Variants in PTPN14 observed in about 807,000 individuals in gnomAD.
PTPN14 encodes protein tyrosine phosphatase non-receptor type 14, also known as tyrosine-protein phosphatase non-receptor type 14.
In PTPN14, 53 loss-of-function variants were observed where a neutral mutation model predicts 126.8. The ratio of observed to expected loss-of-function variants is 0.42; its 90% CI spans 0.34 to 0.53. The LOEUF (loss-of-function observed/expected upper bound fraction) is 0.53. Among genes scored for constraint, PTPN14 ranks in the 20% least tolerant of loss-of-function variants. PTPN14 has a pLI of 0.08. For synonymous variants in PTPN14, 630 were observed against 599.3 expected, an observed-to-expected ratio of 1.05 and a Z score of -0.75; for missense variants, 1,257 against 1,552.9, an observed-to-expected ratio of 0.81 and a Z score of 3.20.
At chr1:214,421,673 G>C (rs978353440) in intron 3 of PTPN14, among the ~76,000 whole-genome samples, 1 of 152,038 alleles carries the variant, frequency 6.6e-6, no homozygotes, top group South Asian at 2.1e-4. Flanking sequence ...GGCTCTTCAC[G>C]ATCCAGTCAA....
chr1:214,424,457 A>T (rs1038824306), intron 3 of PTPN14, among the ~76,000 whole-genome samples: 4 of 152,130 alleles, frequency 2.6e-5, no homozygotes, highest in Admixed American at 6.5e-5. Flanking sequence ...TAATTCGGAG[A>T]TCCTGCTGGA....
intron 1 of PTPN14, among the ~76,000 whole-genome samples, chr1:214,485,968 C>T (rs1313542219): frequency 6.6e-6 from 1 of 152,030 alleles, no homozygotes; most frequent in Non-Finnish European, 1.5e-5. Flanking sequence ...CCTCGTGATC[C>T]GCCCGCCTTG....
At chr1:214,398,677 C>T (rs1384788096) in intron 7 of PTPN14, among the ~76,000 whole-genome samples, 1 of 144,550 alleles carries the variant, frequency 6.9e-6, no homozygotes, top group African/African-American at 2.6e-5. Flanking sequence ...TAGTGATCCT[C>T]CATCCTCGGC....
rs1449499312 is a variant in PTPN14, at chr1:214,384,580, G to A, written c.1275C>T (p.Tyr425=). 3 of 1,614,188 alleles carry A rather than the reference G, an allele frequency of 1.9e-6. No individual in the cohort carries two copies. Among genetic ancestry groups the A allele is most frequent in the Admixed American group, 3.3e-5 (2 of 60,020 alleles). ...TCGCGCTGTGCCGGTGGCTCGGGATGTAGTCGGCCCGCATGATGTCACTCC... is the reference window on the plus strand; with the variant it reads ...TCGCGCTGTGCCGGTGGCTCGGGATATAGTCGGCCCGCATGATGTCACTCC... ...IPGSDIMRAD[Y]IPSHRHSAII... The change falls in exon 13 of 19, where the codon TAC becomes TAT. Residue 425 remains tyrosine (Y), a synonymous_variant. Coordinates refer to ENST00000366956, the MANE Select transcript of PTPN14 (RefSeq NM_005401.5). The surrounding 1 kb of genome is among the most constrained non-coding windows in gnomAD (Gnocchi z 5.3).
chr1:214,409,950 C>A (rs533224395), intron 5 of PTPN14, among the ~76,000 whole-genome samples: 1 of 152,146 alleles, frequency 6.6e-6, no homozygotes, highest in Non-Finnish European at 1.5e-5. Context: ...CTGTATATTT[C>A]TTTTGAGAAA....
At chr1:214,512,381 G>T (rs1292935083) in intron 1 of PTPN14, among the ~76,000 whole-genome samples, 1 of 152,130 alleles carries the variant, frequency 6.6e-6, no homozygotes, top group Non-Finnish European at 1.5e-5. Context: ...GGTTTGGCAT[G>T]CTCCTTCTTC....
At chr1:214,498,254 G>A (rs76900298) in intron 1 of PTPN14, among the ~76,000 whole-genome samples, 8,463 of 152,238 alleles carry the variant, frequency 0.056, 261 homozygotes, top group Middle Eastern at 0.13. Context: ...TTCTAACGCT[G>A]TGAGTCTCCT....
chr1:214,351,416 A>T lies in PTPN14; in HGVS notation c.*6506T>A, dbSNP rs1657707491. 6.6e-6 allele frequency: 1 copy of T among 152,172 alleles called. No individual in the cohort carries two copies. The highest frequency in any genetic ancestry group is 1.5e-5 in the Non-Finnish European group (1 of 68,090). The allele number at this position is 152,172 out of a possible 1,614,324, so 9.4% of individuals were successfully genotyped here. A position where few individuals can be genotyped will look rare whatever the true frequency, so the allele number is the denominator to read the frequency against. On this transcript the variant is annotated 3_prime_UTR_variant, in exon 19 of 19. Coordinates refer to ENST00000366956, the MANE Select transcript of PTPN14 (RefSeq NM_005401.5). ...ACCCGTTCCCCTGAACAAGACAAGG[A>T]ACACCAAAGTCACTGCATGTACATC...
In PTPN14 at chr1:214,383,885, G is replaced by A. The variant is rs547427299; in HGVS notation, c.1970C>T (p.Thr657Met). The change falls in exon 13 of 19, where the codon ACG becomes ATG. Residue 657 changes from threonine (T) to methionine (M), a missense_variant. Thr to Met is a moderately conservative substitution (Grantham distance 81). Around this residue, in one of 3 missense-constraint regions of PTPN14, gnomAD observed 1,021 missense variants for 1,183.3 expected, o/e 0.86. Coordinates refer to ENST00000366956, the MANE Select transcript of PTPN14 (RefSeq NM_005401.5). This position sits in a 1 kb window ranked among gnomAD's most constrained non-coding sequence, Gnocchi z 4.4. ...NSMVRGMEAM[T>M]LKSLHLPMAR... ...CATGGGGAGGTGGAGCGACTTGAGC[G>A]TCATGGCCTCCATGCCCCGCACCAT... 1.9e-5 allele frequency: 30 copies of A among 1,613,256 alleles called. No individual in the cohort carries two copies. The Admixed American group carries it at 3.5e-4, about 19-fold the overall frequency.
intron 3 of PTPN14, among the ~76,000 whole-genome samples, chr1:214,420,000 T>C (rs1293728266): frequency 6.6e-6 from 1 of 152,194 alleles, no homozygotes; most frequent in African/African-American, 2.4e-5. Context: ...ACTATTAAAG[T>C]CTAATAATGC....
At position 214,373,558 on chromosome 1, in the gene PTPN14, A is replaced by AACAC. The variant is rs10562157; in HGVS notation, c.2908-723_2908-720dup. On this transcript the variant is annotated intron_variant, in intron 15 of 18. Coordinates refer to ENST00000366956, the MANE Select transcript of PTPN14 (RefSeq NM_005401.5). ...TCTCTTTTCTAGTCGATTTCATTGA[A>AACAC]ACACACACACACACACACACACACA... Among the ~76,000 whole-genome samples, 357 of 138,678 alleles carry AACAC rather than the reference A, an allele frequency of 2.6e-3. 4 individuals carry two copies. Among genetic ancestry groups the AACAC allele is most frequent in the Middle Eastern group, 0.025 (7 of 284 alleles). 91.0% of individuals were successfully genotyped at this position (138,678 alleles called of 152,430 possible).
At chr1:214,550,563 T>C (rs1030492607) in intron 1 of PTPN14, among the ~76,000 whole-genome samples, 3 of 152,220 alleles carry the variant, frequency 2.0e-5, no homozygotes, top group African/African-American at 7.2e-5. Flanking sequence ...TGTTAATACC[T>C]ACAACTTTGG....
At chr1:214,489,842 G>C (rs1661192840) in intron 1 of PTPN14, among the ~76,000 whole-genome samples, 1 of 152,188 alleles carries the variant, frequency 6.6e-6, no homozygotes, top group Non-Finnish European at 1.5e-5. Context: ...CTGAATTCAA[G>C]TCCTGACTCC....
intron 16 of PTPN14, among the ~76,000 whole-genome samples, chr1:214,370,051 CG>C (rs1258053301): frequency 6.6e-6 from 1 of 152,146 alleles, no homozygotes; most frequent in Admixed American, 6.5e-5. Flanking sequence ...GAGGCCAAGG[CG>C]CGTGGATCAC....
chr1:214,398,853 C>T (rs534394843), intron 7 of PTPN14, among the ~76,000 whole-genome samples: 90 of 151,948 alleles, frequency 5.9e-4, no homozygotes, highest in African/African-American at 2.1e-3. Flanking sequence ...GCAACCTCCA[C>T]CTCCCAGCAG....
At chr1:214,390,562 A>C (rs1419546620) in intron 11 of PTPN14, among the ~76,000 whole-genome samples, 1 of 152,180 alleles carries the variant, frequency 6.6e-6, no homozygotes, top group African/African-American at 2.4e-5. Flanking sequence ...GATCCGTTCA[A>C]TTTTTGCTCA....
Position 214,386,827 on chromosome 1 carries a change from C to A in PTPN14, c.1066+17G>T. 6.4e-7 allele frequency: 1 copy of A among 1,564,420 alleles called. No individual in the cohort carries two copies. Among genetic ancestry groups the A allele is most frequent in the South Asian group, 1.1e-5 (1 of 89,300 alleles). The stretch of plus-strand genomic sequence containing the variant: ...AACTTTTTGTCTTAAGAAGGGAGAA[C>A]GGCAAGCCAGAGTTACCTTGCGAGG... On this transcript the variant is annotated intron_variant, in intron 12 of 18. Coordinates refer to ENST00000366956, the MANE Select transcript of PTPN14 (RefSeq NM_005401.5).
chr1:214,426,397 C>T (rs1659665647), intron 3 of PTPN14, among the ~76,000 whole-genome samples: 1 of 152,042 alleles, frequency 6.6e-6, no homozygotes, highest in Non-Finnish European at 1.5e-5. Flanking sequence ...TTGTTAAATG[C>T]AATTTAAAAA....
intron 1 of PTPN14, among the ~76,000 whole-genome samples, chr1:214,483,542 C>G (rs1353032497): frequency 2.0e-5 from 3 of 152,182 alleles, no homozygotes; most frequent in African/African-American, 7.2e-5. Flanking sequence ...TATACTTACT[C>G]TACTGCTATT....
Sources: gnomAD v4.1 joint callset for allele counts (sites outside exome capture counted in the v4.1 genomes callset) on GRCh38, gnomAD v4.1.1 for gene constraint, gnomAD v4.1.1 regional missense constraint, Gnocchi (gnomAD v3.1) non-coding constraint, MANE v1.5 for transcripts, NCBI Gene and HGNC (gene_info 2026-07-23, HGNC 2026-07-21) for gene names.